ESR1: variants seen among roughly 807,000 people sequenced by gnomAD.
The protein encoded by ESR1 is estrogen receptor 1, also known as estrogen receptor.
In ESR1, 12 loss-of-function variants were observed where a neutral mutation model predicts 52.7. That is an observed-to-expected ratio of 0.23 (90% CI 0.15 to 0.37). The LOEUF is 0.37. ESR1 is among the 10% of genes least tolerant of loss of function. The pLI is 1.00. For synonymous variants in ESR1, 305 were observed against 316.8 expected (o/e 0.96, Z 0.39); for missense variants, 584 against 779.7 (o/e 0.75, Z 2.99).
At chr6:151,702,488 TGA>T (rs904581091) in intron 2 of ESR1, among the ~76,000 whole-genome samples, 87 of 152,318 alleles carry the variant, frequency 5.7e-4, no homozygotes, top group Non-Finnish European at 1.0e-3. Flanking sequence ...AAGCAAAATG[TGA>T]GTGTGCTTTT....
chr6:151,744,960 G>A (rs1302363278), intron 2 of ESR1, among the ~76,000 whole-genome samples: 1 of 152,106 alleles, frequency 6.6e-6, no homozygotes, highest in African/African-American at 2.4e-5. Context: ...TAAATGTTTA[G>A]TCCATTTTCA....
intron 4 of ESR1, among the ~76,000 whole-genome samples, chr6:151,981,114 A>G (rs1415667494): frequency 1.3e-5 from 2 of 152,360 alleles, no homozygotes; most frequent in East Asian, 3.9e-4. Flanking sequence ...TTCATCTCAT[A>G]TCCTGTGCAG....
intron 6 of ESR1, among the ~76,000 whole-genome samples, chr6:152,113,385 G>C (rs908190960): frequency 6.6e-6 from 1 of 152,172 alleles, no homozygotes; most frequent in Non-Finnish European, 1.5e-5. Flanking sequence ...GGGGCGGGGG[G>C]CACCTGGAAA....
chr6:151,833,036 G>C (rs2128218227), intron 1 of ESR1, among the ~76,000 whole-genome samples: 1 of 152,296 alleles, frequency 6.6e-6, no homozygotes, highest in Admixed American at 6.5e-5. Context: ...ATTCTGATGA[G>C]AAACAATTAA....
At chr6:152,017,883 C>T (rs1021102387) in intron 5 of ESR1, among the ~76,000 whole-genome samples, 5 of 152,028 alleles carry the variant, frequency 3.3e-5, no homozygotes, top group African/African-American at 4.8e-5. Context: ...GAAATATTTG[C>T]GGATTTCTCA....
intron 2 of ESR1, among the ~76,000 whole-genome samples, chr6:151,868,466 T>C (rs1338074048): frequency 6.6e-6 from 1 of 152,154 alleles, no homozygotes; most frequent in East Asian, 1.9e-4. Flanking sequence ...CTGTTCCTCC[T>C]TCCCACTTCT....
intron 1 of ESR1, among the ~76,000 whole-genome samples, chr6:151,838,578 A>G (rs912770796): frequency 1.3e-5 from 2 of 152,208 alleles, no homozygotes; most frequent in African/African-American, 4.8e-5. Flanking sequence ...CTCAACGTGA[A>G]CATTATTTCA....
At chr6:151,686,933 C>T (rs1778712962), upstream of ESR1, among the ~76,000 whole-genome samples, 1 of 152,180 alleles carries the variant, frequency 6.6e-6, no homozygotes, top group Non-Finnish European at 1.5e-5. Flanking sequence ...CTCATGGGTC[C>T]AGAGCCCCCT....
rs1583549058 is a variant in ESR1, at chr6:151,833,997, T to G, written c.453-8600T>G. On this transcript the variant is annotated intron_variant, in intron 1 of 7. Transcript: ENST00000206249. Reference sequence around the variant, plus strand: ...GAAATGCAAATCAAAACCACAATGATATACCATCTCACGCCAGTTAGAATG... The same window carrying G: ...GAAATGCAAATCAAAACCACAATGAGATACCATCTCACGCCAGTTAGAATG... Among the ~76,000 whole-genome samples, 3 of 152,220 alleles carry G rather than the reference T, an allele frequency of 2.0e-5. No homozygotes were observed. In the South Asian group the frequency reaches 6.2e-4, roughly 32 times the overall value.
chr6:151,706,793 A>G (rs1242046097), intron 2 of ESR1, among the ~76,000 whole-genome samples: 2 of 152,182 alleles, frequency 1.3e-5, no homozygotes, highest in Non-Finnish European at 1.5e-5. Flanking sequence ...CTACCTGGAA[A>G]CCTGAAGAAA....
intron 2 of ESR1, among the ~76,000 whole-genome samples, chr6:151,788,620 A>G (rs1787239844): frequency 6.6e-6 from 1 of 152,238 alleles, no homozygotes; most frequent in African/African-American, 2.4e-5. Context: ...CCAAATGGAT[A>G]TAAATTGTTC....
At chr6:152,003,925 T>C (rs73629912) in intron 4 of ESR1, among the ~76,000 whole-genome samples, 18,947 of 152,030 alleles carry the variant, frequency 0.12, 1,221 homozygotes, top group South Asian at 0.18. Flanking sequence ...ACTAAACTGA[T>C]GAATAAAGGT....
At chr6:151,658,124 C>A (rs1777518417) in intron 1 of ESR1, among the ~76,000 whole-genome samples, 1 of 152,202 alleles carries the variant, frequency 6.6e-6, no homozygotes, top group Non-Finnish European at 1.5e-5. Context: ...ATTCTCCCAT[C>A]ACCTGGACGT....
intron 5 of ESR1, among the ~76,000 whole-genome samples, chr6:152,059,432 A>G (rs1326651251): frequency 6.6e-6 from 1 of 152,054 alleles, no homozygotes; most frequent in Admixed American, 6.5e-5. Context: ...AAATACCAGG[A>G]ACAACATCAG....
chr6:151,804,675 G>A (rs932717194), upstream of ESR1: 2 of 152,190 alleles, frequency 1.3e-5, no homozygotes, highest in East Asian at 3.9e-4. Context: ...CTGGTCTCAA[G>A]AGCCACTCAT....
At chr6:152,064,181 A>T (rs2128967897) in intron 6 of ESR1, among the ~76,000 whole-genome samples, 1 of 152,366 alleles carries the variant, frequency 6.6e-6, no homozygotes, top group East Asian at 1.9e-4. Flanking sequence ...CAAGATGCCA[A>T]CTTCAAGACA....
intron 2 of ESR1, among the ~76,000 whole-genome samples, chr6:151,860,260 G>A (rs1291388662): frequency 6.6e-6 from 1 of 152,006 alleles, no homozygotes; most frequent in Non-Finnish European, 1.5e-5. Context: ...TATCATTTTT[G>A]GGGGGCATGG....
At position 151,718,473 on chromosome 6, in the gene ESR1, A is replaced by G. The variant is rs927896066; in HGVS notation, c.-71+16468A>G. Among the ~76,000 whole-genome samples the G allele has an allele frequency of 2.0e-5, 3 of 152,342 alleles. No individual in the cohort carries two copies. In the East Asian group the frequency reaches 5.8e-4, roughly 29 times the overall value. On this transcript the variant is annotated intron_variant, in intron 2 of 2. Transcript: ENST00000404742. Reference sequence around the variant, plus strand: ...TGGGCTTCTCATTTTAAAACCATGCATGAGATTTTTCCCTTTCTACCCATT... The same window carrying G: ...TGGGCTTCTCATTTTAAAACCATGCGTGAGATTTTTCCCTTTCTACCCATT...
intron 2 of ESR1, among the ~76,000 whole-genome samples, chr6:151,768,067 T>C (rs1229048964): frequency 6.6e-6 from 1 of 152,172 alleles, no homozygotes; most frequent in Non-Finnish European, 1.5e-5. Context: ...CAGTGGATGC[T>C]AAAATTCGTG....
Sources: allele counts gnomAD v4.1 joint callset (sites outside exome capture counted in the v4.1 genomes callset), GRCh38; gene constraint gnomAD v4.1.1; transcripts MANE v1.5; gene names NCBI Gene and HGNC (gene_info 2026-07-23, HGNC 2026-07-21).